The following CLEC2A variants were observed in gnomAD, a reference collection of about 807,000 sequenced individuals.
CLEC2A encodes C-type lectin domain family 2 member A.
In CLEC2A, 19 loss-of-function variants were observed where a neutral mutation model predicts 18.6. That is an observed-to-expected ratio of 1.02 (90% confidence interval 0.71 to 1.50). The LOEUF is 1.50. Ranked by LOEUF, CLEC2A falls within the 40% of genes most tolerant of loss-of-function variation. The pLI is 0.00. For missense variants in CLEC2A, 190 were observed against 207.9 expected (o/e 0.91, Z 0.53); for synonymous variants, 74 against 64.0 (o/e 1.16, Z -0.75).
chr12:9,924,979 G>A (rs1863244019), intron 2 of CLEC2A, among the ~76,000 whole-genome samples: 3 of 152,174 alleles, frequency 2.0e-5, no homozygotes, highest in Admixed American at 2.0e-4. Flanking sequence ...GGAAATGTGT[G>A]CAAACAACAT....
chr12:9,888,870 T>A, the CLEC2A span: 1 of 697,982 alleles, frequency 1.4e-6, no homozygotes, highest in Non-Finnish European at 2.4e-6. Context: ...TGTTACACAG[T>A]AAGCCAACAG....
At chr12:9,888,650 T>C in the CLEC2A span, 1 of 744,534 alleles carries the variant, frequency 1.3e-6, no homozygotes, top group Non-Finnish European at 2.2e-6. Context: ...GCCTTCATTT[T>C]CTGCTGGTAC....
At chr12:9,916,928 T>A (rs1029776911) in intron 3 of CLEC2A, 125 bp from the exon 4 acceptor site, 2 of 633,032 alleles carry the variant, frequency 3.2e-6, no homozygotes, top group Non-Finnish European at 5.6e-6. Context: ...CTGATGCTTC[T>A]ATAACAACAA....
chr12:9,914,276 G>C (rs995882249), intron 4 of CLEC2A, among the ~76,000 whole-genome samples: 1 of 151,978 alleles, frequency 6.6e-6, no homozygotes, highest in Admixed American at 6.6e-5. Context: ...TTGTGAAAAT[G>C]GCCATATTGC....
At chr12:9,896,057 A>G (rs1190732768), downstream of CLEC2A, among the ~76,000 whole-genome samples, 1 of 152,236 alleles carries the variant, frequency 6.6e-6, no homozygotes, top group Non-Finnish European at 1.5e-5. Context: ...ATTGACAAGA[A>G]AAGCTAAATA....
chr12:9,907,173 G>T (rs535259065), intron 4 of CLEC2A, among the ~76,000 whole-genome samples: 1 of 152,172 alleles, frequency 6.6e-6, no homozygotes, highest in African/African-American at 2.4e-5. Context: ...TGTGGCTTCC[G>T]TGTTCCTGGG....
rs144711514 is a variant in CLEC2A, at chr12:9,914,260, T to C, written c.411-580A>G. On this transcript the variant is annotated intron_variant, in intron 4 of 4. Transcript: ENST00000455827. The stretch of plus-strand genomic sequence containing the variant: ...ATTTTATCCTCATGGATAGAAAGAA[T>C]CAATATTGTGAAAATGGCCATATTG... Among the ~76,000 whole-genome samples, 1,489 of 152,272 alleles carry C rather than the reference T, an allele frequency of 9.8e-3. 29 individuals carry two copies. Among genetic ancestry groups the C allele is most frequent in the African/African-American group, 0.035 (1,444 of 41,558 alleles).
chr12:9,883,500 T>C, the CLEC2A span, among the ~76,000 whole-genome samples: 5 of 152,182 alleles, frequency 3.3e-5, no homozygotes, highest in Non-Finnish European at 5.9e-5. Flanking sequence ...TATTGTTCAG[T>C]TTTTTATAAA....
At chr12:9,888,716 C>T in the CLEC2A span, 3 of 1,415,466 alleles carry the variant, frequency 2.1e-6, no homozygotes, top group Non-Finnish European at 2.9e-6. Context: ...CATATCTTTT[C>T]TTTGCACTGA....
chr12:9,882,647 G>A, the CLEC2A span, among the ~76,000 whole-genome samples: 2 of 152,264 alleles, frequency 1.3e-5, no homozygotes, highest in African/African-American at 4.8e-5. Context: ...TGGGTATGGT[G>A]GCGTGTGCCT....
chr12:9,914,155 T>C (rs1863031438), intron 4 of CLEC2A, among the ~76,000 whole-genome samples: 1 of 152,322 alleles, frequency 6.6e-6, no homozygotes, highest in African/African-American at 2.4e-5. Context: ...TTGGTACTTT[T>C]GAAACATACT....
At chr12:9,891,308 T>C in the CLEC2A span, among the ~76,000 whole-genome samples, 1 of 152,226 alleles carries the variant, frequency 6.6e-6, no homozygotes, top group Admixed American at 6.5e-5. Flanking sequence ...TTCTCAATTT[T>C]CATCCTGTAT....
In CLEC2A at chr12:9,930,614, G is replaced by T. The variant is rs145456139; in HGVS notation, c.55+1661C>A. Among the ~76,000 whole-genome samples the T allele has an allele frequency of 7.9e-5, 12 of 151,790 alleles. No homozygotes were observed. The East Asian group carries it at 2.3e-3, about 29-fold the overall frequency. On this transcript the variant is annotated intron_variant, in intron 1 of 4. Transcript: ENST00000455827. ...TTTCTTTCACTCTATTGTGCCAGAT[G>T]CATGTTTTTTTCTTATCTATTTTGT...
chr12:9,904,596 G>C (rs1862881051), intron 4 of CLEC2A, among the ~76,000 whole-genome samples: 1 of 152,112 alleles, frequency 6.6e-6, no homozygotes, highest in Non-Finnish European at 1.5e-5. Context: ...ATGTTCTCCA[G>C]ACTCTGGGTC....
At chr12:9,893,316 TAATG>T in the CLEC2A span, 1 of 843,180 alleles carries the variant, frequency 1.2e-6, no homozygotes, top group East Asian at 2.7e-5. Flanking sequence ...AAAAAAATGC[TAATG>T]TATATGAAAA....
the CLEC2A span, chr12:9,893,046 T>C: frequency 3.9e-6 from 6 of 1,535,790 alleles, no homozygotes; most frequent in Admixed American, 7.8e-5. Context: ...CCCAAATGAC[T>C]GGCTGTTGAA....
chr12:9,930,440 T>A (rs1331102526), intron 1 of CLEC2A, among the ~76,000 whole-genome samples: 1 of 152,170 alleles, frequency 6.6e-6, no homozygotes, highest in Non-Finnish European at 1.5e-5. Context: ...ACTTTTTTGA[T>A]ATTTTCTTTA....
At chr12:9,897,475 C>T (rs1255713826), downstream of CLEC2A, among the ~76,000 whole-genome samples, 1 of 151,746 alleles carries the variant, frequency 6.6e-6, no homozygotes. Flanking sequence ...AATCCAGGTT[C>T]TTGTCACACG....
chr12:9,886,579 A>G, the CLEC2A span, among the ~76,000 whole-genome samples: 1 of 152,170 alleles, frequency 6.6e-6, no homozygotes, highest in South Asian at 2.1e-4. Context: ...ATGGAGGTCT[A>G]AAACAAGGTA....
Sources: gnomAD v4.1 joint callset for allele counts (sites outside exome capture counted in the v4.1 genomes callset) on GRCh38, gnomAD v4.1.1 for gene constraint, MANE v1.5 for transcripts, NCBI Gene and HGNC (gene_info 2026-07-23, HGNC 2026-07-21) for gene names.